The following NLN variants were observed in gnomAD, a reference collection of about 807,000 sequenced individuals.
NLN encodes the protein neurolysin, mitochondrial.
Under a neutral mutation model 79.9 loss-of-function variants are expected in NLN, and 64 were observed. The ratio of observed to expected loss-of-function variants is 0.80; its 90% confidence interval spans 0.65 to 0.99. NLN has a LOEUF of 0.99. Among genes scored for constraint, NLN ranks in the 50% least tolerant of loss-of-function variants. The pLI is 0.00. For missense variants in NLN, 835 were observed against 858.7 expected, an observed-to-expected ratio of 0.97 and a Z score of 0.34; for synonymous variants, 267 against 296.6, an observed-to-expected ratio of 0.90 and a Z score of 1.02.
chr5:65,781,254 T>C lies in NLN; in HGVS notation c.662-7T>C. Reference sequence around the variant, plus strand: ...AATTTGATATATGAGAAAATGATTTTTTGCAGGTGCTCTTCCTGATGATTT... The same window carrying C: ...AATTTGATATATGAGAAAATGATTTCTTGCAGGTGCTCTTCCTGATGATTT... On this transcript the variant is annotated splice_polypyrimidine_tract_variant and splice_region_variant and intron_variant, in intron 5 of 12. Transcript: ENST00000380985. 6.3e-7 allele frequency: 1 copy of C among 1,597,684 alleles called. No homozygotes were observed. The highest frequency in any genetic ancestry group is 1.1e-5 in the South Asian group (1 of 89,466).
intron 1 of NLN, among the ~76,000 whole-genome samples, chr5:65,723,770 G>A (rs1051424913): frequency 1.5e-5 from 2 of 130,866 alleles, no homozygotes; most frequent in Non-Finnish European, 3.1e-5. Context: ...AGCCGAGATC[G>A]CACCACTGTA....
At chr5:65,762,896 A>G (rs1759367760) in intron 2 of NLN, 64 bp from the exon 3 acceptor site, 1 of 1,485,554 alleles carries the variant, frequency 6.7e-7, no homozygotes, top group Non-Finnish European at 9.2e-7. Context: ...GGTATGAGGT[A>G]TTTGGCTTAA....
At position 65,731,742 on chromosome 5, in the gene NLN, C is replaced by CTTTT. The variant is rs761722243; in HGVS notation, c.41+9351_41+9354dup. On this transcript the variant is annotated intron_variant, in intron 1 of 12. Transcript: ENST00000380985. ...GTATTTTAAAAATCACCTACATTTT[C>CTTTT]TTTTTTTTTTTTTTTTTTTTTTTTT... is the stretch of plus-strand genomic sequence containing the variant. 7.6e-4 allele frequency among the ~76,000 whole-genome samples: 47 copies of CTTTT among 61,988 alleles called. 12 individuals carry two copies. The highest frequency in any genetic ancestry group is 2.2e-3 in the East Asian group (5 of 2,294). 40.7% of individuals were successfully genotyped at this position (61,988 alleles called of 152,430 possible). A position where few individuals can be genotyped will look rare whatever the true frequency, so the allele number is the denominator to read the frequency against.
At chr5:65,802,989 A>G (rs2150770250) in intron 9 of NLN, among the ~76,000 whole-genome samples, 1 of 152,276 alleles carries the variant, frequency 6.6e-6, no homozygotes. Flanking sequence ...CTCAGCTGTC[A>G]GCAGAGAGGA....
chr5:65,783,212 CAG>C (rs1759836355), intron 6 of NLN, among the ~76,000 whole-genome samples: 1 of 152,154 alleles, frequency 6.6e-6, no homozygotes, highest in African/African-American at 2.4e-5. Context: ...GTTTTAGAAA[CAG>C]ATGATGGTAG....
intron 9 of NLN, among the ~76,000 whole-genome samples, chr5:65,796,745 A>C (rs922479861): frequency 6.6e-6 from 1 of 152,222 alleles, no homozygotes; most frequent in Non-Finnish European, 1.5e-5. Context: ...TTTTGTACTG[A>C]CCTAAAATGG....
intron 1 of NLN, among the ~76,000 whole-genome samples, chr5:65,726,720 T>C (rs1758481925): frequency 6.6e-6 from 1 of 152,246 alleles, no homozygotes; most frequent in African/African-American, 2.4e-5. Context: ...TATTAACTAA[T>C]TTGTTACATA....
intron 2 of NLN, among the ~76,000 whole-genome samples, chr5:65,760,425 T>C (rs1010819086): frequency 6.6e-6 from 1 of 152,204 alleles, no homozygotes; most frequent in Non-Finnish European, 1.5e-5. Flanking sequence ...AGCTGGCAAC[T>C]TCATGTGCGT....
At chr5:65,786,368 C>T (rs989915556) in intron 7 of NLN, among the ~76,000 whole-genome samples, 19 of 151,800 alleles carry the variant, frequency 1.3e-4, no homozygotes, top group Non-Finnish European at 2.2e-4. Context: ...AAATAATATA[C>T]ATAAAACTAG....
At chr5:65,787,266 G>A (rs1759949735) in intron 7 of NLN, among the ~76,000 whole-genome samples, 2 of 151,832 alleles carry the variant, frequency 1.3e-5, no homozygotes, top group Non-Finnish European at 2.9e-5. Context: ...GTGTGTGTGT[G>A]TGTGTGTGTA....
chr5:65,788,045 A>G, intron 7 of NLN, 73 bp from the exon 8 acceptor site: 1 of 1,460,880 alleles, frequency 6.8e-7, no homozygotes, highest in Admixed American at 2.0e-5. Context: ...ACCATGCTAA[A>G]ACACAGGTGG....
intron 1 of NLN, among the ~76,000 whole-genome samples, chr5:65,745,559 G>C (rs753496462): frequency 1.1e-4 from 17 of 152,154 alleles, no homozygotes; most frequent in Non-Finnish European, 2.2e-4. Flanking sequence ...CTTATTGGGA[G>C]GATTAAATAA....
chr5:65,799,724 A>G lies in NLN; in HGVS notation c.1527+7069A>G, dbSNP rs553787379. Among the ~76,000 whole-genome samples, 15 of 152,302 alleles carry G rather than the reference A, an allele frequency of 9.8e-5. No individual in the cohort carries two copies. In the East Asian group the frequency reaches 2.9e-3, roughly 29 times the overall value. ...ATTCAAAACTTCTCCAAATTATGTT[A>G]TTTCCTGGGTCCTTTAAAGGATGAT... On this transcript the variant is annotated intron_variant, in intron 9 of 12. Transcript: ENST00000380985.
Position 65,823,007 on chromosome 5 carries a change from G to T in NLN, c.*92G>T. ...GGAAACTGAAGGGAGTTTTGCAAGTGAAAATTTAGATTTCTATTGACATCC... is the reference window on the plus strand; with the variant it reads ...GGAAACTGAAGGGAGTTTTGCAAGTTAAAATTTAGATTTCTATTGACATCC... On this transcript the variant is annotated 3_prime_UTR_variant, in exon 13 of 13. Coordinates refer to ENST00000380985, the MANE Select transcript of NLN (RefSeq NM_020726.5). 1 of 967,010 alleles carries T rather than the reference G, an allele frequency of 1.0e-6. No homozygotes were observed. Among genetic ancestry groups the T allele is most frequent in the Non-Finnish European group, 1.6e-6 (1 of 634,414 alleles). The allele number at this position is 967,010 out of a possible 1,614,324, so 59.9% of individuals were successfully genotyped here. A position where few individuals can be genotyped will look rare whatever the true frequency, so the allele number is the denominator to read the frequency against.
intron 2 of NLN, among the ~76,000 whole-genome samples, chr5:65,761,036 C>T (rs1164358586): frequency 6.6e-6 from 1 of 152,126 alleles, no homozygotes; most frequent in African/African-American, 2.4e-5. Flanking sequence ...TTATGCCTCT[C>T]ACAGTAGCTG....
intron 9 of NLN, among the ~76,000 whole-genome samples, chr5:65,799,907 G>A (rs1760247032): frequency 1.3e-5 from 2 of 148,272 alleles, no homozygotes; most frequent in Admixed American, 6.7e-5. Context: ...CTAGTAGATA[G>A]TGGTCACTTT....
Position 65,788,492 on chromosome 5 carries a change from G to A in NLN, c.1325+8G>A, listed in dbSNP as rs753057819. 1.2e-5 allele frequency: 20 copies of A among 1,607,910 alleles called. No homozygotes were observed. The highest frequency in any genetic ancestry group is 4.4e-5 in the South Asian group (4 of 90,598). On this transcript the variant is annotated splice_region_variant and intron_variant, in intron 8 of 12. Transcript: ENST00000380985. ...TTTGGACCTCTATCCAAGGTACTGAGGATCACGTTGTTGGAAGGGACCTTA... is the reference window on the plus strand; with the variant it reads ...TTTGGACCTCTATCCAAGGTACTGAAGATCACGTTGTTGGAAGGGACCTTA...
At chr5:65,769,404 G>A (rs540416965) in intron 3 of NLN, among the ~76,000 whole-genome samples, 1 of 152,240 alleles carries the variant, frequency 6.6e-6, no homozygotes, top group Admixed American at 6.5e-5. Context: ...AAGTATAACT[G>A]GATTGTTTGT....
chr5:65,797,463 A>T (rs1760196916), intron 9 of NLN, among the ~76,000 whole-genome samples: 1 of 152,244 alleles, frequency 6.6e-6, no homozygotes, highest in African/African-American at 2.4e-5. Context: ...ACCCTGTATT[A>T]GTCAGGAAGG....
Sources: gnomAD v4.1 joint callset for allele counts (sites outside exome capture counted in the v4.1 genomes callset) on GRCh38, gnomAD v4.1.1 for gene constraint, MANE v1.5 for transcripts, NCBI Gene and HGNC (gene_info 2026-07-23, HGNC 2026-07-21) for gene names.